The following TCF20 variants were observed in gnomAD, a reference collection of about 807,000 sequenced individuals.
TCF20 encodes SPRE-binding protein.
In TCF20, 3 loss-of-function variants were observed where a neutral mutation model predicts 148.6. The observed-to-expected ratio is 0.02, with a 90% CI of 0.01 to 0.05. The LOEUF (loss-of-function observed/expected upper bound fraction) is 0.05. Ranked by LOEUF, TCF20 falls within the 10% of genes least tolerant of loss-of-function variation. The pLI is 1.00. For synonymous variants in TCF20, 1,049 were observed against 909.5 expected (o/e 1.15, Z -2.76); for missense variants, 2,350 against 2,429.3 (o/e 0.97, Z 0.69).
chr22:42,162,420 C>G (rs1047580903), intron 5 of TCF20, among the ~76,000 whole-genome samples: 23 of 152,164 alleles, frequency 1.5e-4, no homozygotes, highest in African/African-American at 5.6e-4. Flanking sequence ...TCTCCCATCC[C>G]CAGGCTGGAG....
At chr22:42,194,407 C>T (rs1049637143) in intron 2 of TCF20, among the ~76,000 whole-genome samples, 2 of 152,204 alleles carry the variant, frequency 1.3e-5, no homozygotes, top group African/African-American at 4.8e-5. Context: ...GGAGGCGAAA[C>T]TAAAACATTA....
chr22:42,271,585 G>T (rs147177442), upstream of TCF20, among the ~76,000 whole-genome samples: 1 of 152,332 alleles, frequency 6.6e-6, no homozygotes, highest in Admixed American at 6.5e-5. Context: ...AGTAGGATGC[G>T]TTGAGAATTT....
chr22:42,281,986 G>C (rs1432216967), intron 1 of TCF20, among the ~76,000 whole-genome samples: 1 of 152,264 alleles, frequency 6.6e-6, no homozygotes, highest in Non-Finnish European at 1.5e-5. Context: ...AGGACTGTGA[G>C]AGGGCAAAGA....
At chr22:42,246,168 T>C (rs948537272) in intron 1 of TCF20, among the ~76,000 whole-genome samples, 2 of 152,196 alleles carry the variant, frequency 1.3e-5, no homozygotes, top group Admixed American at 1.3e-4. Flanking sequence ...TGCACTGGTG[T>C]GATCTTGGCT....
Position 42,323,863 on chromosome 22 carries a change from G to GTGGTGGAGGTGGTGGTGGAGGTTA in TCF20, c.-37+19615_-37+19616insTAACCTCCACCACCACCTCCACCA, listed in dbSNP as rs1569209597. On this transcript the variant is annotated intron_variant, in intron 1 of 1. Transcript: ENST00000515426. ...GGTGGTAGTGGTGATGGAGGTTATG[G>GTGGTGGAGGTGGTGGTGGAGGTTA]TGGTGGTGGTGGTGGTGGTGATGGA... Among the ~76,000 whole-genome samples the GTGGTGGAGGTGGTGGTGGAGGTTA allele has an allele frequency of 1.8e-5, 2 of 113,870 alleles. 1 individual carries two copies. Among genetic ancestry groups the GTGGTGGAGGTGGTGGTGGAGGTTA allele is most frequent in the Admixed American group, 1.9e-4 (2 of 10,558 alleles). 74.7% of individuals were successfully genotyped at this position (113,870 alleles called of 152,430 possible). A position where few individuals can be genotyped will look rare whatever the true frequency, so the allele number is the denominator to read the frequency against.
At chr22:42,319,425 T>C (rs1321205554) in intron 1 of TCF20, among the ~76,000 whole-genome samples, 4 of 152,184 alleles carry the variant, frequency 2.6e-5, no homozygotes, top group African/African-American at 9.7e-5. Flanking sequence ...ATCGTGTGTG[T>C]TGGGGAGACA....
chr22:42,265,621 A>T (rs1359623117), intron 1 of TCF20, among the ~76,000 whole-genome samples: 1 of 152,236 alleles, frequency 6.6e-6, no homozygotes, highest in African/African-American at 2.4e-5. Context: ...GAAAATGAAG[A>T]CAGCAGAGAC....
In TCF20 at chr22:42,338,148, C is replaced by T. The variant is rs922976565; in HGVS notation, c.-37+5331G>A. 1.3e-5 allele frequency among the ~76,000 whole-genome samples: 2 copies of T among 152,216 alleles called. No homozygotes were observed. The highest frequency in any genetic ancestry group is 1.3e-4 in the Admixed American group (2 of 15,290). On this transcript the variant is annotated intron_variant, in intron 1 of 1. Coordinates refer to the TCF20 transcript ENST00000515426. The surrounding 1 kb of genome is among the most constrained non-coding windows in gnomAD (Gnocchi z 4.0). The stretch of plus-strand genomic sequence containing the variant: ...TACACAACTCCCGCCTCGGTCTCCA[C>T]GCGTCCCCTGAGATCCCCCACCGCC...
At chr22:42,280,471 A>G (rs1456279790) in intron 1 of TCF20, among the ~76,000 whole-genome samples, 3 of 152,352 alleles carry the variant, frequency 2.0e-5, no homozygotes, top group Admixed American at 2.0e-4. Context: ...AGCTTCACCC[A>G]GAAACTACCA....
rs975004524 is a variant in TCF20, at chr22:42,270,473, G to C, written c.-171C>G. Reference sequence around the variant, plus strand: ...CGCCTCCAGCTCGGGCGCCCGGGCCGGCGGCGGGGCGGGCCGGGGCCGCGG... The same window carrying C: ...CGCCTCCAGCTCGGGCGCCCGGGCCCGCGGCGGGGCGGGCCGGGGCCGCGG... On this transcript the variant is annotated 5_prime_UTR_variant, in exon 1 of 6. Coordinates refer to ENST00000677622, the MANE Select transcript of TCF20 (RefSeq NM_001378418.1). Among the ~76,000 whole-genome samples, 1 of 144,634 alleles carries C rather than the reference G, an allele frequency of 6.9e-6. No homozygotes were observed. Among genetic ancestry groups the C allele is most frequent in the African/African-American group, 2.5e-5 (1 of 40,408 alleles). 94.9% of individuals were successfully genotyped at this position (144,634 alleles called of 152,430 possible). A position where few individuals can be genotyped will look rare whatever the true frequency, so the allele number is the denominator to read the frequency against.
intron 1 of TCF20, among the ~76,000 whole-genome samples, chr22:42,324,546 C>T (rs1927836131): frequency 6.6e-6 from 1 of 151,726 alleles, no homozygotes; most frequent in South Asian, 2.1e-4. Context: ...AGAAAATAAT[C>T]TCCACCATTT....
upstream of TCF20, among the ~76,000 whole-genome samples, chr22:42,285,329 C>G (rs890806029): frequency 2.0e-5 from 3 of 151,620 alleles, no homozygotes; most frequent in Admixed American, 2.0e-4. The surrounding 1 kb of genome is among the most constrained non-coding windows in gnomAD (Gnocchi z 4.2). Flanking sequence ...GGGTTACAGG[C>G]AAGGACACAA....
intron 1 of TCF20, among the ~76,000 whole-genome samples, chr22:42,275,797 C>T (rs1333045212): frequency 1.3e-5 from 2 of 152,182 alleles, no homozygotes; most frequent in Non-Finnish European, 2.9e-5. Flanking sequence ...TCACTCAGGG[C>T]ACTACAAAGA....
At chr22:42,277,382 C>T (rs1383473356) in intron 1 of TCF20, among the ~76,000 whole-genome samples, 2 of 152,176 alleles carry the variant, frequency 1.3e-5, no homozygotes, top group African/African-American at 4.8e-5. Flanking sequence ...TGATAACAGC[C>T]ATGATACAAA....
chr22:42,288,609 T>C (rs1601694413), upstream of TCF20, among the ~76,000 whole-genome samples: 1 of 140,972 alleles, frequency 7.1e-6, no homozygotes, highest in South Asian at 2.2e-4. Flanking sequence ...GAGATTGAGA[T>C]GGGAGAATCA....
chr22:42,283,242 AC>A (rs1265898327), intron 1 of TCF20, among the ~76,000 whole-genome samples: 1 of 152,078 alleles, frequency 6.6e-6, no homozygotes, highest in African/African-American at 2.4e-5. Context: ...GTCCCGCATC[AC>A]CACTGACAAA....
At position 42,299,255 on chromosome 22, in the gene TCF20, CG is replaced by C. The variant is rs1927289072; in HGVS notation, c.-37+44223del. Among the ~76,000 whole-genome samples the C allele has an allele frequency of 6.6e-6, 1 of 152,188 alleles. No individual in the cohort carries two copies. Among genetic ancestry groups the C allele is most frequent in the African/African-American group, 2.4e-5 (1 of 41,436 alleles). ...GCCCAGAGGACAATCACAGGGAGGA[CG>C]GCGGCAAGGAGGTGAGGCCATGTCT... is the stretch of plus-strand genomic sequence containing the variant. On this transcript the variant is annotated intron_variant, in intron 1 of 1. Coordinates refer to the TCF20 transcript ENST00000515426. The surrounding 1 kb of genome is among the most constrained non-coding windows in gnomAD (Gnocchi z 4.1).
chr22:42,254,943 C>A (rs1028570750), intron 1 of TCF20, among the ~76,000 whole-genome samples: 1 of 92,036 alleles, frequency 1.1e-5, no homozygotes, highest in Admixed American at 1.5e-4. Context: ...CTGGGTGACA[C>A]AGCAAGACTC....
chr22:42,339,980 C>T (rs529017859), intron 1 of TCF20, among the ~76,000 whole-genome samples: 1 of 152,274 alleles, frequency 6.6e-6, no homozygotes, highest in South Asian at 2.1e-4. Context: ...GCAAAGCTCC[C>T]CCTGCTCCTG....
Sources: allele counts gnomAD v4.1 joint callset (sites outside exome capture counted in the v4.1 genomes callset), GRCh38; gene constraint gnomAD v4.1.1; non-coding constraint Gnocchi (gnomAD v3.1); transcripts MANE v1.5; gene names NCBI Gene and HGNC (gene_info 2026-07-23, HGNC 2026-07-21).